Variants in LRP2BP observed in about 807,000 individuals in gnomAD.
The protein encoded by LRP2BP is LRP2-binding protein.
Under a neutral mutation model 45.2 loss-of-function variants are expected in LRP2BP, and 38 were observed. That is an observed-to-expected ratio of 0.84 (90% CI 0.65 to 1.10). The LOEUF (loss-of-function observed/expected upper bound fraction) is 1.10. Ranked by LOEUF, LRP2BP falls within the 50% of genes least tolerant of loss-of-function variation. The pLI, the probability that LRP2BP is intolerant of heterozygous loss-of-function variation, is 0.00. For synonymous variants in LRP2BP, 153 were observed against 153.9 expected (o/e 0.99, Z 0.04); for missense variants, 385 against 418.9 (o/e 0.92, Z 0.71).
intron 1 of LRP2BP, among the ~76,000 whole-genome samples, chr4:185,382,013 C>G (rs1358021106): frequency 6.6e-6 from 1 of 152,152 alleles, no homozygotes; most frequent in Non-Finnish European, 1.5e-5. Flanking sequence ...ACTGTAGCAT[C>G]GGCAGCCACT....
Position 185,374,209 on chromosome 4 carries a change from G to T in LRP2BP, c.505C>A (p.Pro169Thr). 6.2e-7 allele frequency: 1 copy of T among 1,614,122 alleles called. No homozygotes were observed. Among genetic ancestry groups the T allele is most frequent in the East Asian group, 2.2e-5 (1 of 44,878 alleles). ...CTTTGAGCCTTCACACTAGCTTTGG[G>T]ATTTCCATTGTCTGCTGCGATAAGC... ...LWLIAADNGN[P>T]KASVKAQSML... Residue 169 changes from proline to threonine, a missense_variant, in exon 6 of 9, where the codon CCC becomes ACC. Transcript: ENST00000505916.
chr4:185,385,909 G>A (rs796745922), intron 1 of LRP2BP, among the ~76,000 whole-genome samples: 1 of 77,454 alleles, frequency 1.3e-5, no homozygotes, highest in African/African-American at 3.6e-5. Flanking sequence ...TCGGGGAGGG[G>A]GGGGGGGAGA....
At chr4:185,374,530 A>G (rs984536351) in intron 4 of LRP2BP, 69 bp from the exon 5 acceptor site, 3 of 1,553,554 alleles carry the variant, frequency 1.9e-6, no homozygotes, top group Non-Finnish European at 2.6e-6. Flanking sequence ...CTTTCTCCCA[A>G]TAAGGCTGTG....
intron 2 of LRP2BP, chr4:185,377,480 T>C (rs895970347): frequency 1.2e-5 from 2 of 171,606 alleles, no homozygotes; most frequent in Non-Finnish European, 2.5e-5. Flanking sequence ...ATTGCATCAC[T>C]GCACTCAAGC....
intron 8 of LRP2BP, chr4:185,369,858 C>T (rs2095409105): frequency 2.5e-6 from 1 of 396,994 alleles, no homozygotes; most frequent in Non-Finnish European, 5.0e-6. Context: ...TTTTAACATG[C>T]AGAGAAGCTT....
At chr4:185,396,026 C>T, upstream of LRP2BP, 1 of 474,284 alleles carries the variant, frequency 2.1e-6, no homozygotes, top group Non-Finnish European at 2.8e-6. Flanking sequence ...CGGACAGCGG[C>T]TTCACCAGCC....
At chr4:185,381,355 C>T (rs551180743) in intron 1 of LRP2BP, among the ~76,000 whole-genome samples, 13 of 152,164 alleles carry the variant, frequency 8.5e-5, no homozygotes, top group East Asian at 3.9e-4. Flanking sequence ...CTGTTTTGGA[C>T]GATTAGGAAC....
chr4:185,364,095 A>G lies in LRP2BP; in HGVS notation c.*3085T>C, dbSNP rs2095378247. ...TACTTAACTACTTCTGCAGGGAAGTAAAAGTTTGCTGCCTTCTCCAGAAAC... is the reference window on the plus strand; with the variant it reads ...TACTTAACTACTTCTGCAGGGAAGTGAAAGTTTGCTGCCTTCTCCAGAAAC... On this transcript the variant is annotated 3_prime_UTR_variant, in exon 9 of 9. Transcript: ENST00000505916. 6.6e-6 allele frequency: 1 copy of G among 152,476 alleles called. No homozygotes were observed. Among genetic ancestry groups the G allele is most frequent in the African/African-American group, 2.4e-5 (1 of 41,458 alleles). 9.4% of individuals were successfully genotyped at this position (152,476 alleles called of 1,614,324 possible).
chr4:185,370,914 C>A, intron 7 of LRP2BP, 100 bp from the exon 8 acceptor site: 1 of 1,266,506 alleles, frequency 7.9e-7, no homozygotes, highest in Non-Finnish European at 1.1e-6. Context: ...GAAGTGATTT[C>A]TCTCTACTGC....
chr4:185,393,082 C>A (rs894042010), intron 1 of LRP2BP, among the ~76,000 whole-genome samples: 5 of 152,098 alleles, frequency 3.3e-5, no homozygotes, highest in African/African-American at 1.2e-4. Flanking sequence ...TACAGGCACG[C>A]ACCACACACC....
chr4:185,384,888 C>T (rs918242122), intron 1 of LRP2BP, among the ~76,000 whole-genome samples: 1 of 145,708 alleles, frequency 6.9e-6, no homozygotes, highest in African/African-American at 2.6e-5. Flanking sequence ...CGCCCTGCAT[C>T]CCCCTCCCCG....
At chr4:185,370,314 C>T (rs541508400) in intron 8 of LRP2BP, 197 of 247,194 alleles carry the variant, frequency 8.0e-4, no homozygotes, top group Non-Finnish European at 1.3e-3. Context: ...CTAGAATGAA[C>T]GTATACATTC....
chr4:185,375,062 A>G (rs2095428708), intron 4 of LRP2BP, among the ~76,000 whole-genome samples: 1 of 151,860 alleles, frequency 6.6e-6, no homozygotes, highest in Admixed American at 6.6e-5. Context: ...TCAGACACAA[A>G]CCTTCAAACA....
rs191247096 is a variant in LRP2BP, at chr4:185,389,305, T to G, written c.-22+5474A>C. ...TTCACTGCAACCTCCACCTCCCAGG[T>G]TCACGTGATTCTCCCACCTCAGCCT... On this transcript the variant is annotated intron_variant, in intron 1 of 8. Coordinates refer to ENST00000505916, the MANE Select transcript of LRP2BP (RefSeq NM_001377440.1). Among the ~76,000 whole-genome samples the G allele has an allele frequency of 5.5e-3, 841 of 151,892 alleles. 4 individuals are homozygous for G. The highest frequency in any genetic ancestry group is 0.017 in the Middle Eastern group (5 of 292).
chr4:185,384,871 C>T (rs2095465846), intron 1 of LRP2BP, among the ~76,000 whole-genome samples: 1 of 152,012 alleles, frequency 6.6e-6, no homozygotes, highest in Non-Finnish European at 1.5e-5. Flanking sequence ...TTCTGTTCTT[C>T]CCACTCCGCC....
rs890041261 is a variant in LRP2BP at position 185,395,363 on chromosome 4, ATTAG to A, written c.-610_-607del. The A allele has an allele frequency of 1.3e-5, 13 of 985,358 alleles. No homozygotes were observed. Among genetic ancestry groups the A allele is most frequent in the Admixed American group, 6.1e-5 (1 of 16,280 alleles). 61.0% of individuals were successfully genotyped at this position (985,358 alleles called of 1,614,324 possible). A position where few individuals can be genotyped will look rare whatever the true frequency, so the allele number is the denominator to read the frequency against. On this transcript the variant is annotated 5_prime_UTR_variant, in exon 1 of 9. Coordinates refer to ENST00000505916, the MANE Select transcript of LRP2BP (RefSeq NM_001377440.1). ...TGTAAGAACGTGTCTGATACCCTTT[ATTAG>A]TTAGGAATTCCTGAAAATGAACTTC...
chr4:185,370,651 A>C lies in LRP2BP; in HGVS notation c.967T>G (p.Tyr323Asp). The C allele has an allele frequency of 3.1e-6, 5 of 1,613,912 alleles. No individual in the cohort carries two copies. The highest frequency in any genetic ancestry group is 4.2e-6 in the Non-Finnish European group (5 of 1,179,934). Residue 323 changes from tyrosine (Y) to aspartate (D), a missense_variant, in exon 8 of 9, where the codon TAT becomes GAT. Coordinates refer to ENST00000505916, the MANE Select transcript of LRP2BP (RefSeq NM_001377440.1). ...GTTCTAAAGCTTACTTTAGAATAAT[A>C]GTGTTTAGCGGTTGTTTCATCCCTG... ...ITRDETTAKHYYSKACRLNPA... is the reference protein window; with the variant it reads ...ITRDETTAKHDYSKACRLNPA...
intron 1 of LRP2BP, among the ~76,000 whole-genome samples, chr4:185,394,312 A>G (rs1201981946): frequency 2.0e-5 from 1 of 50,588 alleles, no homozygotes; most frequent in Non-Finnish European, 5.8e-5. Context: ...TAAAGAAACC[A>G]ATCTTAGCCT....
intron 6 of LRP2BP, among the ~76,000 whole-genome samples, chr4:185,373,302 CCA>C (rs1387313807): frequency 6.6e-6 from 1 of 152,118 alleles, no homozygotes; most frequent in Non-Finnish European, 1.5e-5. Context: ...AGATCACAGT[CCA>C]GGCAGCTTAT....
Sources: allele counts gnomAD v4.1 joint callset (sites outside exome capture counted in the v4.1 genomes callset), GRCh38; gene constraint gnomAD v4.1.1; transcripts MANE v1.5; gene names NCBI Gene and HGNC (gene_info 2026-07-23, HGNC 2026-07-21).